The following NRG1 variants were observed in gnomAD, a reference collection of about 807,000 sequenced individuals.
NRG1 encodes the protein pro-neuregulin-1, membrane-bound isoform.
Under a neutral mutation model 63.8 loss-of-function variants are expected in NRG1, and 18 were observed. The observed-to-expected ratio is 0.28, with a 90% CI of 0.19 to 0.42. The LOEUF (loss-of-function observed/expected upper bound fraction) is 0.42. Among genes scored for constraint, NRG1 ranks in the 10% least tolerant of loss-of-function variants. The pLI is 1.00. For missense variants in NRG1, 762 were observed against 814.7 expected (o/e 0.94, Z 0.79); for synonymous variants, 302 against 301.3 (o/e 1.00, Z -0.02).
chr8:32,026,868 A>G (rs1401617674), intron 1 of NRG1, among the ~76,000 whole-genome samples: 2 of 152,090 alleles, frequency 1.3e-5, no homozygotes, highest in Non-Finnish European at 2.9e-5. Context: ...TTTTTTGTTT[A>G]AAGTATTCAC....
chr8:31,766,972 T>C (rs1818132003), intron 1 of NRG1, among the ~76,000 whole-genome samples: 1 of 152,204 alleles, frequency 6.6e-6, no homozygotes, highest in Non-Finnish European at 1.5e-5. Flanking sequence ...CCTCCCAGGA[T>C]GTTTTATTTC....
intron 1 of NRG1, among the ~76,000 whole-genome samples, chr8:31,854,479 G>A (rs1205342275): frequency 1.3e-5 from 2 of 151,482 alleles, no homozygotes; most frequent in Non-Finnish European, 3.0e-5. Flanking sequence ...ATTTTTTATT[G>A]TGTCTATTTG....
intron 1 of NRG1, among the ~76,000 whole-genome samples, chr8:31,856,897 T>G (rs1384378746): frequency 6.6e-6 from 1 of 152,194 alleles, no homozygotes; most frequent in Non-Finnish European, 1.5e-5. Context: ...CTGCCCCTGC[T>G]GGGGGATGCC....
chr8:32,419,836 A>G (rs1360062767), intron 1 of NRG1, among the ~76,000 whole-genome samples: 1 of 152,196 alleles, frequency 6.6e-6, no homozygotes, highest in African/African-American at 2.4e-5. Context: ...TTTTACATTT[A>G]TGCAAAGTGA....
chr8:31,826,770 T>C (rs1194760473), intron 1 of NRG1, among the ~76,000 whole-genome samples: 1 of 152,234 alleles, frequency 6.6e-6, no homozygotes, highest in Non-Finnish European at 1.5e-5. Context: ...GAAGGTCCCA[T>C]TTCAGCCCTC....
intron 1 of NRG1, among the ~76,000 whole-genome samples, chr8:32,187,747 GAA>G (rs559116748): frequency 6.9e-6 from 1 of 144,672 alleles, no homozygotes; most frequent in African/African-American, 2.5e-5. Context: ...GTCCAGCCAA[GAA>G]AAAAAAAAAA....
intron 1 of NRG1, among the ~76,000 whole-genome samples, chr8:32,318,271 T>C (rs977812645): frequency 1.1e-4 from 16 of 152,170 alleles, no homozygotes; most frequent in Non-Finnish European, 2.2e-4. Flanking sequence ...AGTTATGAAT[T>C]CCTTGAATTT....
In NRG1 at chr8:31,640,597, T is replaced by C. The variant is rs748744486; in HGVS notation, c.37+1166T>C. On this transcript the variant is annotated intron_variant, in intron 1 of 10. Coordinates refer to the NRG1 transcript ENST00000519301. The surrounding 1 kb of genome is among the most constrained non-coding windows in gnomAD (Gnocchi z 6.3). ...CGGGAGGCTCAAGGAGGACAGCAGG[T>C]ACATCTTCTTCATGGAGCCCGACGC... 1.9e-6 allele frequency: 3 copies of C among 1,612,032 alleles called. No individual in the cohort carries two copies. Among genetic ancestry groups the C allele is most frequent in the Admixed American group, 3.3e-5 (2 of 60,014 alleles).
At chr8:31,955,986 A>T (rs1172859043) in intron 1 of NRG1, among the ~76,000 whole-genome samples, 3 of 149,078 alleles carry the variant, frequency 2.0e-5, no homozygotes, top group African/African-American at 7.6e-5. Flanking sequence ...GGCTGCAGTG[A>T]GCCATGATCA....
intron 1 of NRG1, among the ~76,000 whole-genome samples, chr8:32,360,171 C>G (rs1807020784): frequency 6.6e-6 from 1 of 152,130 alleles, no homozygotes; most frequent in Non-Finnish European, 1.5e-5. Flanking sequence ...ATCAGAATCC[C>G]CATGTTTCCA....
At chr8:31,961,066 C>T (rs1169513939) in intron 1 of NRG1, among the ~76,000 whole-genome samples, 2 of 151,960 alleles carry the variant, frequency 1.3e-5, no homozygotes, top group Non-Finnish European at 2.9e-5. Flanking sequence ...AGATGATTTG[C>T]GTTAAGAGGT....
At chr8:32,545,060 T>C (rs962013554), upstream of NRG1, among the ~76,000 whole-genome samples, 22 of 152,264 alleles carry the variant, frequency 1.4e-4, no homozygotes, top group Non-Finnish European at 2.9e-5. Flanking sequence ...ACTGTCAACA[T>C]GCATAATATT....
intron 5 of NRG1, 45 bp from the exon 6 acceptor site, chr8:32,727,904 G>GA (rs774996819): frequency 6.3e-7 from 1 of 1,597,542 alleles, no homozygotes; most frequent in East Asian, 2.2e-5. Context: ...CTTAGAAGGG[G>GA]GAAAAAAAGT....
At chr8:32,428,754 C>A (rs1022818172) in intron 1 of NRG1, among the ~76,000 whole-genome samples, 1 of 152,202 alleles carries the variant, frequency 6.6e-6, no homozygotes, top group Admixed American at 6.5e-5. Flanking sequence ...GGAAACCCAG[C>A]TTTTATTTCA....
intron 1 of NRG1, among the ~76,000 whole-genome samples, chr8:32,174,197 C>T (rs1275911565): frequency 1.2e-4 from 19 of 152,070 alleles, no homozygotes; most frequent in East Asian, 3.9e-4. Flanking sequence ...CACTCAAAAC[C>T]GCTCAACTAC....
chr8:32,449,560 A>C (rs1376458002), intron 1 of NRG1, among the ~76,000 whole-genome samples: 1 of 152,064 alleles, frequency 6.6e-6, no homozygotes, highest in Non-Finnish European at 1.5e-5. Flanking sequence ...GCATAGGAAA[A>C]TTCATTCATT....
At chr8:32,760,922 C>G (rs1296076421) in intron 11 of NRG1, 3 of 992,216 alleles carry the variant, frequency 3.0e-6, no homozygotes, top group Non-Finnish European at 3.6e-6. Context: ...ACTGCTTGCC[C>G]TCCACCCTAT....
At chr8:32,687,368 T>C (rs1810439490) in intron 5 of NRG1, among the ~76,000 whole-genome samples, 1 of 152,142 alleles carries the variant, frequency 6.6e-6, no homozygotes, top group African/African-American at 2.4e-5. Context: ...GGTATGTGCA[T>C]TGAAAGAAAC....
At chr8:31,694,664 C>A (rs899160756) in intron 1 of NRG1, among the ~76,000 whole-genome samples, 23 of 152,086 alleles carry the variant, frequency 1.5e-4, no homozygotes, top group African/African-American at 5.6e-4. Flanking sequence ...AAAATAATGA[C>A]CTAGAGCCAA....
Sources: gnomAD v4.1 joint callset for allele counts (sites outside exome capture counted in the v4.1 genomes callset) on GRCh38, gnomAD v4.1.1 for gene constraint, Gnocchi (gnomAD v3.1) non-coding constraint, MANE v1.5 for transcripts, NCBI Gene and HGNC (gene_info 2026-07-23, HGNC 2026-07-21) for gene names.